Variants in CPNE3 observed in about 807,000 individuals in gnomAD.
The protein encoded by CPNE3 is copine 3.
Under a neutral mutation model 63.9 loss-of-function variants are expected in CPNE3, and 68 were observed. That is an observed-to-expected ratio of 1.06 (90% CI 0.87 to 1.30). CPNE3 has a LOEUF of 1.30. CPNE3 is among the 50% of genes most tolerant of loss of function. The pLI, the probability that CPNE3 is intolerant of heterozygous loss-of-function variation, is 0.00. For missense variants in CPNE3, 665 were observed against 578.1 expected (o/e 1.15, Z -1.54); for synonymous variants, 219 against 197.5 (o/e 1.11, Z -0.91).
chr8:86,549,596 A>G (rs1821128058), intron 12 of CPNE3, among the ~76,000 whole-genome samples: 1 of 152,224 alleles, frequency 6.6e-6, no homozygotes. Flanking sequence ...TTCTGTATAA[A>G]TTAGAGTACA....
intron 15 of CPNE3, 36 bp from the exon 16 acceptor site, chr8:86,556,066 G>A: frequency 1.2e-6 from 1 of 862,922 alleles, no homozygotes; most frequent in Admixed American, 1.7e-5. Flanking sequence ...GCCATTGCTT[G>A]ACTTGCTCAG....
Position 86,540,228 on chromosome 8 carries a change from A to G in CPNE3, c.544-17A>G. ...TGGAAGTTTTTCTAACAGCTTTTTGAAACCACATTTTTATAGGTTGTTAAA... is the reference window on the plus strand; with the variant it reads ...TGGAAGTTTTTCTAACAGCTTTTTGGAACCACATTTTTATAGGTTGTTAAA... On this transcript the variant is annotated splice_polypyrimidine_tract_variant and intron_variant, in intron 7 of 16. Coordinates refer to ENST00000517490, the MANE Select transcript of CPNE3 (RefSeq NM_003909.5). 6.4e-7 allele frequency: 1 copy of G among 1,553,782 alleles called. No homozygotes were observed. Among genetic ancestry groups the G allele is most frequent in the Non-Finnish European group, 8.9e-7 (1 of 1,126,068 alleles).
intron 2 of CPNE3, among the ~76,000 whole-genome samples, chr8:86,519,013 C>T (rs1162838277): frequency 1.3e-5 from 2 of 152,184 alleles, no homozygotes; most frequent in Non-Finnish European, 2.9e-5. Context: ...CTGCCTGCCT[C>T]AGCCTCCCAA....
chr8:86,558,380 G>A lies in CPNE3; in HGVS notation c.1584G>A (p.Lys528=), dbSNP rs1344524431. 3.4e-6 allele frequency: 3 copies of A among 872,808 alleles called. No individual in the cohort carries two copies. Among genetic ancestry groups the A allele is most frequent in the Non-Finnish European group, 2.0e-6 (1 of 501,676 alleles). The allele number at this position is 872,808 out of a possible 1,614,324, so 54.1% of individuals were successfully genotyped here. A position where few individuals can be genotyped will look rare whatever the true frequency, so the allele number is the denominator to read the frequency against. Residue 528 remains lysine (K), a synonymous_variant, in exon 17 of 17, where the codon AAG becomes AAA. Transcript: ENST00000517490. Reference sequence around the variant, plus strand: ...ATACATACAAACTCCTTCCTCCCAAGAACCCAGCCACGAAACAACAGAAGC... The same window carrying A: ...ATACATACAAACTCCTTCCTCCCAAAAACCCAGCCACGAAACAACAGAAGC... ...YFNTYKLLPP[K]NPATKQQKQ is the part of the protein sequence containing the mutation.
At chr8:86,549,565 C>T (rs1821127382) in intron 12 of CPNE3, among the ~76,000 whole-genome samples, 1 of 152,170 alleles carries the variant, frequency 6.6e-6, no homozygotes, top group Admixed American at 6.5e-5. Context: ...CTGACTCATA[C>T]TTGCATGTTT....
intron 12 of CPNE3, 33 bp from the exon 13 acceptor site, chr8:86,551,013 A>C: frequency 6.6e-7 from 1 of 1,519,992 alleles, no homozygotes; most frequent in Non-Finnish European, 8.8e-7. Context: ...TTTGGAAAAA[A>C]CAGTATTTTA....
chr8:86,515,396 A>C (rs1820272957), intron 1 of CPNE3, 66 bp from the exon 2 acceptor site: 1 of 152,192 alleles, frequency 6.6e-6, no homozygotes, highest in South Asian at 2.1e-4. Context: ...GACAGTTTTT[A>C]TATGTTAGGT....
chr8:86,541,597 G>C (rs1820940384), intron 8 of CPNE3, among the ~76,000 whole-genome samples: 1 of 151,776 alleles, frequency 6.6e-6, no homozygotes, highest in African/African-American at 2.4e-5. Flanking sequence ...CCAGCTACTT[G>C]GGAGGCTTAG....
At chr8:86,547,606 C>T in intron 10 of CPNE3, 105 bp from the exon 11 acceptor site, 2 of 682,918 alleles carry the variant, frequency 2.9e-6, no homozygotes, top group South Asian at 3.4e-5. Context: ...ATGTTTATAT[C>T]ATGTCCTGTT....
At chr8:86,536,246 A>G (rs559358531) in intron 6 of CPNE3, among the ~76,000 whole-genome samples, 2 of 148,426 alleles carry the variant, frequency 1.3e-5, no homozygotes, top group African/African-American at 5.0e-5. Flanking sequence ...GTATGTGTGT[A>G]TGTATGTATT....
intron 2 of CPNE3, among the ~76,000 whole-genome samples, chr8:86,524,155 G>A (rs949123515): frequency 2.6e-5 from 4 of 152,132 alleles, no homozygotes; most frequent in African/African-American, 9.7e-5. Context: ...CTCCATGTTT[G>A]GGAGAGATTT....
At chr8:86,516,956 A>G (rs929594847) in intron 2 of CPNE3, among the ~76,000 whole-genome samples, 1 of 152,230 alleles carries the variant, frequency 6.6e-6, no homozygotes, top group Non-Finnish European at 1.5e-5. Flanking sequence ...ATGATATTTC[A>G]GGTGGATCTT....
At chr8:86,547,438 T>G (rs1821076369) in intron 10 of CPNE3, 1 of 313,160 alleles carries the variant, frequency 3.2e-6, no homozygotes, top group Non-Finnish European at 5.8e-6. Context: ...CATATTGGAT[T>G]CATTACTAAT....
At chr8:86,557,740 A>T (rs1239751401) in intron 16 of CPNE3, among the ~76,000 whole-genome samples, 1 of 152,120 alleles carries the variant, frequency 6.6e-6, no homozygotes, top group Non-Finnish European at 1.5e-5. Context: ...TTATACAGAA[A>T]CAAACACACA....
At chr8:86,538,319 G>A (rs1471121130) in intron 7 of CPNE3, among the ~76,000 whole-genome samples, 4 of 152,138 alleles carry the variant, frequency 2.6e-5, no homozygotes, top group African/African-American at 7.2e-5. Flanking sequence ...AGGTTGCAGT[G>A]AGCTGAGATC....
chr8:86,557,815 A>G (rs1821355240), intron 16 of CPNE3, among the ~76,000 whole-genome samples: 1 of 152,168 alleles, frequency 6.6e-6, no homozygotes, highest in Non-Finnish European at 1.5e-5. Context: ...AAGTTCTGTG[A>G]ACTGTATCAG....
intron 14 of CPNE3, among the ~76,000 whole-genome samples, chr8:86,554,453 G>A (rs1391760003): frequency 6.6e-6 from 1 of 152,176 alleles, no homozygotes; most frequent in East Asian, 1.9e-4. Flanking sequence ...GGCCATATAT[G>A]CAAATGATTT....
chr8:86,529,152 T>A, intron 4 of CPNE3, 28 bp downstream of exon 4: 1 of 1,558,524 alleles, frequency 6.4e-7, no homozygotes, highest in Non-Finnish European at 8.7e-7. Context: ...CTGTACTCTA[T>A]TTTGTCTAAA....
chr8:86,559,201 T>G lies in CPNE3; in HGVS notation c.*791T>G, dbSNP rs544218378. 6.6e-6 allele frequency: 1 copy of G among 152,302 alleles called. No individual in the cohort carries two copies. The highest frequency in any genetic ancestry group is 2.1e-4 in the South Asian group (1 of 4,826). The allele number at this position is 152,302 out of a possible 1,614,324, so 9.4% of individuals were successfully genotyped here. ...TTTCAGGATATTGTAGATGCACAGATGGTAGGTTGTCCTGAATTCTACATT... is the reference window on the plus strand; with the variant it reads ...TTTCAGGATATTGTAGATGCACAGAGGGTAGGTTGTCCTGAATTCTACATT... On this transcript the variant is annotated 3_prime_UTR_variant, in exon 17 of 17. Coordinates refer to ENST00000517490, the MANE Select transcript of CPNE3 (RefSeq NM_003909.5).
Sources: allele counts gnomAD v4.1 joint callset (sites outside exome capture counted in the v4.1 genomes callset), GRCh38; gene constraint gnomAD v4.1.1; transcripts MANE v1.5; gene names NCBI Gene and HGNC (gene_info 2026-07-23, HGNC 2026-07-21).